FXN: variants seen among roughly 807,000 people sequenced by gnomAD.
FXN encodes the protein frataxin, mitochondrial.
Under a neutral mutation model 22.4 loss-of-function variants are expected in FXN, and 14 were observed. The observed-to-expected ratio is 0.62, with a 90% CI of 0.41 to 0.98. FXN has a LOEUF of 0.98. FXN is among the 50% of genes least tolerant of loss of function. The pLI is 0.00. For missense variants in FXN, 267 were observed against 268.4 expected, an observed-to-expected ratio of 0.99 and a Z score of 0.04; for synonymous variants, 120 against 114.1, an observed-to-expected ratio of 1.05 and a Z score of -0.33.
At chr9:69,065,174 G>A in intron 4 of FXN, 139 bp downstream of exon 4, 1 of 711,902 alleles carries the variant, frequency 1.4e-6, no homozygotes, top group Non-Finnish European at 2.5e-6. Flanking sequence ...GCTGAGGTAG[G>A]AGGATCACTT....
rs913065698 is a variant in FXN at position 69,075,375 on chromosome 9, G to A, written c.*2613G>A. 9 of 669,072 alleles carry A rather than the reference G, an allele frequency of 1.3e-5. No homozygotes were observed. The Admixed American group carries it at 2.5e-4, about 19-fold the overall frequency. The allele number at this position is 669,072 out of a possible 1,614,324, so 41.4% of individuals were successfully genotyped here. A position where few individuals can be genotyped will look rare whatever the true frequency, so the allele number is the denominator to read the frequency against. ...CTCAGGAGGCTGAGGCAGGAGAATCGCTGTAACCTGGGGGGTGGAGGTTGC... is the reference window on the plus strand; with the variant it reads ...CTCAGGAGGCTGAGGCAGGAGAATCACTGTAACCTGGGGGGTGGAGGTTGC... On this transcript the variant is annotated 3_prime_UTR_variant, in exon 5 of 5. Coordinates refer to ENST00000484259, the MANE Select transcript of FXN (RefSeq NM_000144.5).
At chr9:69,047,289 C>G (rs1831772486) in intron 2 of FXN, among the ~76,000 whole-genome samples, 1 of 152,024 alleles carries the variant, frequency 6.6e-6, no homozygotes, top group Admixed American at 6.6e-5. Context: ...GCAGTCTCCT[C>G]TCTCCCAGCT....
At chr9:69,049,557 T>C (rs1831816385) in intron 2 of FXN, among the ~76,000 whole-genome samples, 1 of 152,238 alleles carries the variant, frequency 6.6e-6, no homozygotes, top group South Asian at 2.1e-4. Flanking sequence ...AGTTGTCTGA[T>C]ACATATCTTA....
chr9:69,067,812 A>T (rs1004643318), intron 4 of FXN, among the ~76,000 whole-genome samples: 1 of 152,154 alleles, frequency 6.6e-6, no homozygotes, highest in African/African-American at 2.4e-5. Flanking sequence ...CTGGTTTCAG[A>T]GGTCTCTGTA....
chr9:69,056,270 A>T (rs909425232), intron 3 of FXN, among the ~76,000 whole-genome samples: 1 of 152,200 alleles, frequency 6.6e-6, no homozygotes, highest in Non-Finnish European at 1.5e-5. Flanking sequence ...TAACTGAAAA[A>T]CAAGCACTTC....
chr9:69,049,515 C>G (rs1277677428), intron 2 of FXN, among the ~76,000 whole-genome samples: 1 of 152,196 alleles, frequency 6.6e-6, no homozygotes, highest in Non-Finnish European at 1.5e-5. Flanking sequence ...TGGTGTCTTA[C>G]TTTAGGCCCC....
intron 2 of FXN, 139 bp from the exon 3 acceptor site, chr9:69,053,001 A>G: frequency 9.7e-7 from 1 of 1,030,516 alleles, no homozygotes; most frequent in East Asian, 3.3e-5. Context: ...AAAAAAAAAA[A>G]AAAAAGAAAG....
At chr9:69,064,109 G>A (rs1832124565) in intron 3 of FXN, among the ~76,000 whole-genome samples, 1 of 152,154 alleles carries the variant, frequency 6.6e-6, no homozygotes, top group South Asian at 2.1e-4. Flanking sequence ...CACAAGATGG[G>A]GAACAGCAGG....
At chr9:69,037,484 TAA>T (rs1831585478) in intron 1 of FXN, among the ~76,000 whole-genome samples, 4 of 151,586 alleles carry the variant, frequency 2.6e-5, no homozygotes, top group Admixed American at 2.0e-4. Context: ...TAATAATAAA[TAA>T]AAATAAAAAA....
At chr9:69,060,430 G>A (rs1832049895) in intron 3 of FXN, among the ~76,000 whole-genome samples, 1 of 151,352 alleles carries the variant, frequency 6.6e-6, no homozygotes, top group Non-Finnish European at 1.5e-5. Flanking sequence ...GCTAGTGCCT[G>A]CATCTCAGAA....
In FXN at chr9:69,073,614, G is replaced by A; in HGVS notation, c.*852G>A. 1.0e-6 allele frequency: 1 copy of A among 985,380 alleles called. No homozygotes were observed. The highest frequency in any genetic ancestry group is 1.2e-6 in the Non-Finnish European group (1 of 829,936). 61.0% of individuals were successfully genotyped at this position (985,380 alleles called of 1,614,324 possible). A position where few individuals can be genotyped will look rare whatever the true frequency, so the allele number is the denominator to read the frequency against. ...GGAGATACTCATGTTGATAAAGAGA[G>A]CCCTGGTCCTAGACATAGTTCAGCC... On this transcript the variant is annotated 3_prime_UTR_variant, in exon 5 of 5. Coordinates refer to ENST00000484259, the MANE Select transcript of FXN (RefSeq NM_000144.5).
At chr9:69,060,910 G>A (rs1426355086) in intron 3 of FXN, among the ~76,000 whole-genome samples, 1 of 152,212 alleles carries the variant, frequency 6.6e-6, no homozygotes, top group Non-Finnish European at 1.5e-5. Context: ...GCTTAAAGTA[G>A]TGGAGGTCAG....
At chr9:69,052,623 A>C (rs1429017690) in intron 2 of FXN, among the ~76,000 whole-genome samples, 1 of 147,272 alleles carries the variant, frequency 6.8e-6, no homozygotes, top group Non-Finnish European at 1.5e-5. Context: ...GCTCACTGCA[A>C]GCTCCGCCTC....
At chr9:69,049,486 G>A (rs1182276657) in intron 2 of FXN, among the ~76,000 whole-genome samples, 1 of 152,180 alleles carries the variant, frequency 6.6e-6, no homozygotes, top group Admixed American at 6.5e-5. Context: ...ATGTCTTACA[G>A]TAATTGTCTA....
intron 3 of FXN, among the ~76,000 whole-genome samples, chr9:69,056,207 T>G (rs889385180): frequency 7.2e-5 from 11 of 152,152 alleles, no homozygotes; most frequent in African/African-American, 2.7e-4. Context: ...AAAGGAGGAC[T>G]ATTTCTAAAG....
chr9:69,036,033 G>T, intron 1 of FXN, 86 bp downstream of exon 1: 1 of 1,162,496 alleles, frequency 8.6e-7, no homozygotes, highest in Non-Finnish European at 1.1e-6. Context: ...CGCGCACGCC[G>T]GGGTCGCTCC....
At position 69,077,822 on chromosome 9, in the gene FXN, C is replaced by T. The variant is rs574888268; in HGVS notation, c.*5060C>T. The T allele has an allele frequency of 1.8e-5, 11 of 627,998 alleles. No homozygotes were observed. The East Asian group carries it at 7.2e-4, about 41-fold the overall frequency. The allele number at this position is 627,998 out of a possible 1,614,324, so 38.9% of individuals were successfully genotyped here. ...GCGCACGCCTGTTATCCCAGCTACT[C>T]GGGAGGCTGAGGCAGGAGAATTGCT... On this transcript the variant is annotated 3_prime_UTR_variant, in exon 5 of 5. Coordinates refer to ENST00000484259, the MANE Select transcript of FXN (RefSeq NM_000144.5).
At chr9:69,047,350 G>GAC (rs148756619) in intron 2 of FXN, among the ~76,000 whole-genome samples, 15,630 of 144,016 alleles carry the variant, frequency 0.11, 865 homozygotes, top group African/African-American at 0.13. Flanking sequence ...CACACACACA[G>GAC]ACACACACAC....
intron 1 of FXN, among the ~76,000 whole-genome samples, chr9:69,036,387 T>A (rs965044018): frequency 4.6e-5 from 7 of 152,196 alleles, no homozygotes; most frequent in Admixed American, 1.3e-4. Flanking sequence ...GTGTGTGTTG[T>A]GTGTGTGTGT....
Sources: gnomAD v4.1 joint callset for allele counts (sites outside exome capture counted in the v4.1 genomes callset) on GRCh38, gnomAD v4.1.1 for gene constraint, MANE v1.5 for transcripts, NCBI Gene and HGNC (gene_info 2026-07-23, HGNC 2026-07-21) for gene names.